Variants in TMEM117 observed in about 807,000 individuals in gnomAD.
TMEM117 encodes transmembrane protein 117.
Under a neutral mutation model 52.4 loss-of-function variants are expected in TMEM117, and 27 were observed. That is an observed-to-expected ratio of 0.51 (90% CI 0.38 to 0.71). The LOEUF (loss-of-function observed/expected upper bound fraction) is 0.71. Among genes scored for constraint, TMEM117 ranks in the 30% least tolerant of loss-of-function variants. The pLI, the probability that TMEM117 is intolerant of heterozygous loss-of-function variation, is 0.00. For synonymous variants in TMEM117, 215 were observed against 206.3 expected, an observed-to-expected ratio of 1.04 and a Z score of -0.36; for missense variants, 556 against 630.5, an observed-to-expected ratio of 0.88 and a Z score of 1.26.
chr12:44,224,973 C>G (rs975950651), intron 5 of TMEM117, among the ~76,000 whole-genome samples: 1 of 152,126 alleles, frequency 6.6e-6, no homozygotes, highest in Non-Finnish European at 1.5e-5. Context: ...CTGCCCTTTT[C>G]CCCTTCCATA....
chr12:43,813,108 G>A, the TMEM117 span, among the ~76,000 whole-genome samples: 1 of 151,518 alleles, frequency 6.6e-6, no homozygotes. Context: ...TTTTCTGTTT[G>A]GATTCCTCTG....
chr12:44,224,078 A>T (rs534685691), intron 5 of TMEM117, among the ~76,000 whole-genome samples: 1 of 152,232 alleles, frequency 6.6e-6, no homozygotes, highest in Admixed American at 6.6e-5. Flanking sequence ...TCTAATATGA[A>T]GAAAAGACCT....
intron 4 of TMEM117, among the ~76,000 whole-genome samples, chr12:44,204,011 A>G (rs1401072921): frequency 6.6e-6 from 1 of 152,152 alleles, no homozygotes; most frequent in Non-Finnish European, 1.5e-5. Context: ...AACCGGAACA[A>G]GACAAGGATA....
At chr12:44,360,163 G>C (rs1490474323) in intron 6 of TMEM117, among the ~76,000 whole-genome samples, 2 of 152,072 alleles carry the variant, frequency 1.3e-5, no homozygotes, top group Non-Finnish European at 2.9e-5. Context: ...TTTTAAGAAA[G>C]TAAATATAAT....
chr12:43,923,116 T>G (rs1944722822), intron 2 of TMEM117, among the ~76,000 whole-genome samples: 1 of 152,186 alleles, frequency 6.6e-6, no homozygotes, highest in Non-Finnish European at 1.5e-5. Context: ...CCAAATTTAT[T>G]CTTTCAAAAT....
the TMEM117 span, among the ~76,000 whole-genome samples, chr12:43,802,753 A>T: frequency 6.6e-6 from 1 of 152,204 alleles, no homozygotes; most frequent in Non-Finnish European, 1.5e-5. Flanking sequence ...TAATGTAATG[A>T]CCTATAACAG....
Position 44,068,296 on chromosome 12 carries a change from A to G in TMEM117, c.411-75229A>G, listed in dbSNP as rs534114794. Among the ~76,000 whole-genome samples, 26 of 152,310 alleles carry G rather than the reference A, an allele frequency of 1.7e-4. No individual in the cohort carries two copies. The East Asian group carries it at 4.6e-3, about 27-fold the overall frequency. On this transcript the variant is annotated intron_variant, in intron 3 of 7. Coordinates refer to ENST00000266534, the MANE Select transcript of TMEM117 (RefSeq NM_032256.3). ...GTAGTAACACTTTTAATTTCCTTCA[A>G]GAACATTTTCTTTGCATTCACAACT... is the stretch of plus-strand genomic sequence containing the variant.
At chr12:44,330,981 T>G (rs1951262617) in intron 6 of TMEM117, among the ~76,000 whole-genome samples, 1 of 152,018 alleles carries the variant, frequency 6.6e-6, no homozygotes, top group South Asian at 2.1e-4. Flanking sequence ...AAACTATAAG[T>G]TTAAAAACAT....
At chr12:44,176,006 A>G (rs900085216) in intron 4 of TMEM117, among the ~76,000 whole-genome samples, 1 of 152,186 alleles carries the variant, frequency 6.6e-6, no homozygotes, top group African/African-American at 2.4e-5. Flanking sequence ...TTATTCAAGA[A>G]GTTTGTAATG....
chr12:43,934,694 C>A (rs80251371), intron 2 of TMEM117, among the ~76,000 whole-genome samples: 1 of 152,102 alleles, frequency 6.6e-6, no homozygotes, highest in Admixed American at 6.5e-5. Flanking sequence ...GATATTCTGT[C>A]AAATTCAGTG....
At chr12:44,228,728 G>T (rs1317521699) in intron 5 of TMEM117, among the ~76,000 whole-genome samples, 1 of 152,074 alleles carries the variant, frequency 6.6e-6, no homozygotes, top group Non-Finnish European at 1.5e-5. Flanking sequence ...TCTGGGTGGG[G>T]ATATGCTTGG....
At chr12:43,964,739 GT>G (rs1409482287) in intron 3 of TMEM117, among the ~76,000 whole-genome samples, 1 of 152,170 alleles carries the variant, frequency 6.6e-6, no homozygotes, top group Admixed American at 6.5e-5. Context: ...CTACGCTCTG[GT>G]TGGGTTCTTA....
chr12:44,153,407 A>C (rs759467922), intron 4 of TMEM117, among the ~76,000 whole-genome samples: 7 of 151,254 alleles, frequency 4.6e-5, no homozygotes, highest in Non-Finnish European at 8.9e-5. Context: ...TTTTGGTTCA[A>C]TTTTTTTTTC....
At chr12:44,060,726 T>G (rs1248075056) in intron 3 of TMEM117, among the ~76,000 whole-genome samples, 1 of 152,084 alleles carries the variant, frequency 6.6e-6, no homozygotes, top group African/African-American at 2.4e-5. Flanking sequence ...GGGAGGAAGG[T>G]TAGAGCTGTA....
intron 5 of TMEM117, among the ~76,000 whole-genome samples, chr12:44,258,705 C>T (rs1297683547): frequency 2.0e-5 from 3 of 152,116 alleles, no homozygotes; most frequent in African/African-American, 4.8e-5. Context: ...TAAGTCATCT[C>T]AGTGGAGAAT....
intron 4 of TMEM117, among the ~76,000 whole-genome samples, chr12:44,172,353 T>C (rs1949058114): frequency 6.6e-6 from 1 of 152,216 alleles, no homozygotes; most frequent in Non-Finnish European, 1.5e-5. Flanking sequence ...CTTGCCTCTT[T>C]AGCTTCTGAT....
intron 5 of TMEM117, among the ~76,000 whole-genome samples, chr12:44,254,888 T>C (rs534700803): frequency 4.9e-4 from 74 of 150,772 alleles, no homozygotes; most frequent in Non-Finnish European, 8.7e-4. Flanking sequence ...AATTCCCACC[T>C]ATGAGTGAGA....
intron 6 of TMEM117, among the ~76,000 whole-genome samples, chr12:44,332,322 C>T (rs879040806): frequency 6.6e-6 from 1 of 152,050 alleles, no homozygotes; most frequent in Admixed American, 6.6e-5. Flanking sequence ...TCACTTCTTA[C>T]TAGAAGGTGG....
intron 2 of TMEM117, among the ~76,000 whole-genome samples, chr12:43,859,612 C>T (rs984881734): frequency 2.0e-5 from 3 of 152,062 alleles, no homozygotes; most frequent in African/African-American, 7.2e-5. Flanking sequence ...CTTAGTTGGC[C>T]TTGAGGCAGG....
Sources: allele counts gnomAD v4.1 joint callset (sites outside exome capture counted in the v4.1 genomes callset), GRCh38; gene constraint gnomAD v4.1.1; transcripts MANE v1.5; gene names NCBI Gene and HGNC (gene_info 2026-07-23, HGNC 2026-07-21).